The following MIPOL1 variants were observed in gnomAD, a reference collection of about 807,000 sequenced individuals.
MIPOL1 encodes the protein mirror-image polydactyly 1, also known as mirror-image polydactyly gene 1 protein.
A neutral mutation model predicts 60.9 loss-of-function variants in MIPOL1; 57 were observed. The observed-to-expected ratio is 0.94, with a 90% CI of 0.76 to 1.17. MIPOL1 has a LOEUF of 1.17. Ranked by LOEUF, MIPOL1 falls within the 50% of genes most tolerant of loss-of-function variation. The pLI is 0.00. For synonymous variants in MIPOL1, 179 were observed against 168.8 expected (o/e 1.06, Z -0.47); for missense variants, 551 against 511.6 (o/e 1.08, Z -0.74).
Position 37,296,345 on chromosome 14 carries a change from G to C in MIPOL1, c.623+10898G>C, listed in dbSNP as rs529007239. ...TTTATAGCACTAAATGCCCACAAGA[G>C]AAAGCAGGAAAGATCTAAAATTGAC... is the stretch of plus-strand genomic sequence containing the variant. On this transcript the variant is annotated intron_variant, in intron 7 of 12. Transcript: ENST00000684589. Among the ~76,000 whole-genome samples, 40 of 152,124 alleles carry C rather than the reference G, an allele frequency of 2.6e-4. No homozygotes were observed. In the East Asian group the frequency reaches 5.6e-3, roughly 21 times the overall value.
intron 9 of MIPOL1, among the ~76,000 whole-genome samples, chr14:37,309,688 A>ATTTTTTT (rs745631533): frequency 1.5e-5 from 2 of 132,828 alleles, no homozygotes; most frequent in African/African-American, 5.6e-5. Context: ...TGACTCCAGC[A>ATTTTTTT]TTTTTTTTTT....
intron 6 of MIPOL1, among the ~76,000 whole-genome samples, chr14:37,275,572 A>G (rs2083591930): frequency 6.6e-6 from 1 of 151,198 alleles, no homozygotes; most frequent in Non-Finnish European, 1.5e-5. Context: ...TTTCCTAAAC[A>G]GTCACAGTGG....
chr14:37,500,276 T>C, intron 12 of MIPOL1, 138 bp downstream of exon 12: 1 of 680,940 alleles, frequency 1.5e-6, no homozygotes, highest in East Asian at 2.7e-5. Flanking sequence ...AGTGAACTTT[T>C]TTAGATTGGA....
At chr14:37,540,111 T>A (rs916209252) in intron 12 of MIPOL1, among the ~76,000 whole-genome samples, 1 of 152,218 alleles carries the variant, frequency 6.6e-6, no homozygotes, top group Non-Finnish European at 1.5e-5. Flanking sequence ...ATTTCAACCT[T>A]CTTCCTTTAT....
At chr14:37,371,083 A>G (rs2153497939) in intron 10 of MIPOL1, among the ~76,000 whole-genome samples, 1 of 151,884 alleles carries the variant, frequency 6.6e-6, no homozygotes, top group South Asian at 2.1e-4. Context: ...ATGAAATGAT[A>G]GCTGCTATTT....
intron 11 of MIPOL1, among the ~76,000 whole-genome samples, chr14:37,441,410 T>C (rs965753031): frequency 6.6e-6 from 1 of 152,166 alleles, no homozygotes; most frequent in African/African-American, 2.4e-5. Flanking sequence ...AGTTAATTTT[T>C]CTATACGGTG....
intron 11 of MIPOL1, among the ~76,000 whole-genome samples, chr14:37,438,379 C>G (rs1410129372): frequency 2.0e-5 from 3 of 152,074 alleles, no homozygotes; most frequent in African/African-American, 7.2e-5. Flanking sequence ...CTTATTTAAT[C>G]CCTTCAACAT....
At chr14:37,294,508 C>A (rs1420235688) in intron 7 of MIPOL1, among the ~76,000 whole-genome samples, 1 of 151,870 alleles carries the variant, frequency 6.6e-6, no homozygotes, top group Non-Finnish European at 1.5e-5. Context: ...TCAAACTAGT[C>A]CGAGCTAAAG....
At chr14:37,441,816 TTTCA>T in intron 11 of MIPOL1, among the ~76,000 whole-genome samples, 1 of 152,132 alleles carries the variant, frequency 6.6e-6, no homozygotes, top group East Asian at 1.9e-4. Flanking sequence ...ACGTTGGTGT[TTTCA>T]TAGGGCCTGC....
At chr14:37,273,071 C>A (rs1457652253) in intron 6 of MIPOL1, among the ~76,000 whole-genome samples, 1 of 150,620 alleles carries the variant, frequency 6.6e-6, no homozygotes, top group Non-Finnish European at 1.5e-5. Context: ...AACAGTCTAA[C>A]CATAAGGGAA....
chr14:37,539,205 A>T (rs1463347182), intron 12 of MIPOL1, among the ~76,000 whole-genome samples: 1 of 152,044 alleles, frequency 6.6e-6, no homozygotes, highest in Non-Finnish European at 1.5e-5. Flanking sequence ...CCGTCTCAAA[A>T]AAAATAAAAT....
At chr14:37,345,016 A>C (rs1055976526) in intron 9 of MIPOL1, among the ~76,000 whole-genome samples, 2 of 3,162 alleles carry the variant, frequency 6.3e-4, no homozygotes, top group Non-Finnish European at 0.019. Flanking sequence ...GACTCTTATC[A>C]AAAAAAAAAA....
At chr14:37,343,269 G>C (rs2153463962) in intron 9 of MIPOL1, among the ~76,000 whole-genome samples, 1 of 152,044 alleles carries the variant, frequency 6.6e-6, no homozygotes, top group South Asian at 2.1e-4. Context: ...AGAGTTTGAA[G>C]AAACAAGTTA....
Position 37,545,594 on chromosome 14 carries a change from C to G in MIPOL1, c.1263-1311C>G, listed in dbSNP as rs1481938168. The G allele has an allele frequency of 8.5e-6, 5 of 588,826 alleles. No individual in the cohort carries two copies. In the African/African-American group the frequency reaches 9.5e-5, roughly 11 times the overall value. 36.5% of individuals were successfully genotyped at this position (588,826 alleles called of 1,614,324 possible). On this transcript the variant is annotated intron_variant, in intron 12 of 12. Coordinates refer to ENST00000684589, the MANE Select transcript of MIPOL1 (RefSeq NM_001388067.1). Reference sequence around the variant, plus strand: ...TTGCCTTTTTACTCTAAGATCATTACTGTGTTCTTAAAGCAAAGTTTTTTG... The same window carrying G: ...TTGCCTTTTTACTCTAAGATCATTAGTGTGTTCTTAAAGCAAAGTTTTTTG...
chr14:37,402,110 A>G (rs1673258299), intron 10 of MIPOL1, among the ~76,000 whole-genome samples: 2 of 152,138 alleles, frequency 1.3e-5, no homozygotes, highest in Non-Finnish European at 2.9e-5. Context: ...TTTCTTATTC[A>G]TAGGGATATG....
chr14:37,473,441 A>G (rs1302551041), intron 11 of MIPOL1, among the ~76,000 whole-genome samples: 3 of 151,932 alleles, frequency 2.0e-5, no homozygotes, highest in Non-Finnish European at 4.4e-5. Flanking sequence ...ACACTATACT[A>G]TTGCTGGCCA....
At chr14:37,529,570 T>G (rs1192798811) in intron 12 of MIPOL1, among the ~76,000 whole-genome samples, 1 of 152,172 alleles carries the variant, frequency 6.6e-6, no homozygotes, top group East Asian at 1.9e-4. Context: ...ATAATTTTCT[T>G]TGTTCATTTA....
chr14:37,377,926 A>G (rs1163032263), intron 10 of MIPOL1, among the ~76,000 whole-genome samples: 1 of 151,804 alleles, frequency 6.6e-6, no homozygotes, highest in Non-Finnish European at 1.5e-5. Flanking sequence ...TGACTTTACT[A>G]TTTTTAAAAC....
chr14:37,202,060 C>T (rs912376980), intron 1 of MIPOL1, among the ~76,000 whole-genome samples: 3 of 152,108 alleles, frequency 2.0e-5, no homozygotes, highest in African/African-American at 7.2e-5. Flanking sequence ...GTATCCAACC[C>T]CTGGCCTCAG....
Sources: allele counts gnomAD v4.1 joint callset (sites outside exome capture counted in the v4.1 genomes callset), GRCh38; gene constraint gnomAD v4.1.1; transcripts MANE v1.5; gene names NCBI Gene and HGNC (gene_info 2026-07-23, HGNC 2026-07-21).